Variants in SYN3 observed in about 807,000 individuals in gnomAD.
SYN3 encodes the protein synapsin III.
In SYN3, 35 loss-of-function variants were observed where a neutral mutation model predicts 65.8. The observed-to-expected ratio is 0.53, with a 90% CI of 0.41 to 0.70. The LOEUF (loss-of-function observed/expected upper bound fraction) is 0.70. Among genes scored for constraint, SYN3 ranks in the 30% least tolerant of loss-of-function variants. The pLI is 0.00. For synonymous variants in SYN3, 270 were observed against 292.9 expected, an observed-to-expected ratio of 0.92 and a Z score of 0.80; for missense variants, 680 against 749.0, an observed-to-expected ratio of 0.91 and a Z score of 1.08.
chr22:32,942,655 A>C (rs2050976564), intron 3 of SYN3, among the ~76,000 whole-genome samples: 1 of 152,228 alleles, frequency 6.6e-6, no homozygotes, highest in South Asian at 2.1e-4. Context: ...TCTGAGCTAA[A>C]GGAGGAAGTT....
intron 4 of SYN3, among the ~76,000 whole-genome samples, chr22:32,914,709 T>C (rs2050144921): frequency 1.3e-5 from 2 of 152,174 alleles, no homozygotes; most frequent in Non-Finnish European, 2.9e-5. Flanking sequence ...CCCAAAGTGC[T>C]GGAATTACAG....
intron 3 of SYN3, among the ~76,000 whole-genome samples, chr22:32,970,311 G>A (rs1601812754): frequency 1.3e-5 from 2 of 152,144 alleles, no homozygotes; most frequent in East Asian, 3.9e-4. Flanking sequence ...GATCTGGCTT[G>A]AGAGTCCAAG....
intron 2 of SYN3, among the ~76,000 whole-genome samples, chr22:32,994,089 C>T (rs996070228): frequency 6.6e-6 from 1 of 152,134 alleles, no homozygotes; most frequent in Non-Finnish European, 1.5e-5. Context: ...GATTGGACAG[C>T]GTGTAGACCT....
chr22:32,652,512 T>C (rs558257001), intron 6 of SYN3, among the ~76,000 whole-genome samples: 19 of 151,244 alleles, frequency 1.3e-4, no homozygotes, highest in African/African-American at 4.4e-4. Context: ...GGTAACAAAG[T>C]TGTGAATGCA....
intron 6 of SYN3, among the ~76,000 whole-genome samples, chr22:32,704,051 TTTTTC>T (rs1204377150): frequency 1.3e-5 from 2 of 152,194 alleles, no homozygotes; most frequent in East Asian, 1.9e-4. Flanking sequence ...ATTGTAACTT[TTTTTC>T]TTTTAAGATA....
chr22:32,949,845 C>T (rs371752299), intron 3 of SYN3, among the ~76,000 whole-genome samples: 4 of 152,034 alleles, frequency 2.6e-5, no homozygotes, highest in Non-Finnish European at 2.9e-5. Flanking sequence ...GAGACATGGA[C>T]GTGGATGACT....
chr22:32,640,736 G>C (rs1034067191), intron 6 of SYN3, among the ~76,000 whole-genome samples: 3 of 152,004 alleles, frequency 2.0e-5, no homozygotes, highest in African/African-American at 7.3e-5. Context: ...GCGTGGTGGC[G>C]GGCGCCTGTA....
chr22:32,555,320 G>A (rs572888893), intron 7 of SYN3, among the ~76,000 whole-genome samples: 6 of 152,334 alleles, frequency 3.9e-5, no homozygotes, highest in Middle Eastern at 6.8e-3. Flanking sequence ...AACACAAGGA[G>A]TGAGGCCAAG....
chr22:32,757,847 GA>G, intron 6 of SYN3, among the ~76,000 whole-genome samples: 1 of 149,366 alleles, frequency 6.7e-6, no homozygotes, highest in South Asian at 2.1e-4. Context: ...CCTCAGGAAT[GA>G]AGGTTTGGGT....
intron 6 of SYN3, among the ~76,000 whole-genome samples, chr22:32,657,502 C>T (rs890391471): frequency 7.2e-5 from 11 of 152,340 alleles, no homozygotes; most frequent in South Asian, 2.1e-4. Context: ...CAGAAGTTAG[C>T]TGAGACTCAG....
At chr22:32,674,873 C>T (rs986626671) in intron 6 of SYN3, among the ~76,000 whole-genome samples, 8 of 152,150 alleles carry the variant, frequency 5.3e-5, no homozygotes, top group African/African-American at 1.4e-4. Context: ...AACTTGCAGG[C>T]GCTTTATATC....
In SYN3 at chr22:32,900,920, A is replaced by T. The variant is rs114823399; in HGVS notation, c.461+30470T>A. On this transcript the variant is annotated intron_variant, in intron 4 of 13. Coordinates refer to ENST00000358763, the MANE Select transcript of SYN3 (RefSeq NM_003490.4). ...TGTCCATTAGACTATCAGCTACATG[A>T]CGGCAGCGGAAATATTTGGTTTACT... is the stretch of plus-strand genomic sequence containing the variant. Among the ~76,000 whole-genome samples the T allele has an allele frequency of 3.0e-3, 462 of 152,342 alleles. 4 individuals are homozygous for T. The highest frequency in any genetic ancestry group is 0.011 in the African/African-American group (446 of 41,578).
At chr22:32,960,223 C>T (rs887275441) in intron 3 of SYN3, among the ~76,000 whole-genome samples, 1 of 152,168 alleles carries the variant, frequency 6.6e-6, no homozygotes, top group African/African-American at 2.4e-5. Context: ...CCTCTGAATG[C>T]AAACCAACCA....
chr22:32,530,965 C>T (rs1040907498), intron 10 of SYN3, among the ~76,000 whole-genome samples: 6 of 151,588 alleles, frequency 4.0e-5, no homozygotes, highest in African/African-American at 1.5e-4. Flanking sequence ...CCAAGTTGCT[C>T]TATTTGTAAG....
intron 6 of SYN3, among the ~76,000 whole-genome samples, chr22:32,613,477 C>A (rs1233484131): frequency 2.0e-5 from 3 of 152,112 alleles, no homozygotes; most frequent in Admixed American, 1.3e-4. Flanking sequence ...AGAGGGGAAG[C>A]TTTGAGACCT....
At chr22:32,920,699 C>T (rs1015594354) in intron 4 of SYN3, among the ~76,000 whole-genome samples, 2 of 152,132 alleles carry the variant, frequency 1.3e-5, no homozygotes, top group African/African-American at 4.8e-5. Flanking sequence ...CCTCCTGACC[C>T]CATTCTATGC....
intron 6 of SYN3, among the ~76,000 whole-genome samples, chr22:32,778,632 A>G (rs1343472230): frequency 6.6e-6 from 1 of 152,148 alleles, no homozygotes; most frequent in Admixed American, 6.5e-5. Flanking sequence ...ATCACAACAC[A>G]ATGACGGATG....
intron 4 of SYN3, among the ~76,000 whole-genome samples, chr22:32,929,225 T>C (rs1005584889): frequency 6.6e-6 from 1 of 152,168 alleles, no homozygotes; most frequent in Non-Finnish European, 1.5e-5. Context: ...GAGGTTGCAG[T>C]GAGCCAAGAT....
intron 13 of SYN3, among the ~76,000 whole-genome samples, chr22:32,515,273 C>CTG (rs1362567790): frequency 2.0e-5 from 3 of 152,222 alleles, no homozygotes; most frequent in Non-Finnish European, 1.5e-5. Context: ...GATTAGTTGG[C>CTG]TGATCTCCTT....
Sources: allele counts gnomAD v4.1 joint callset (sites outside exome capture counted in the v4.1 genomes callset), GRCh38; gene constraint gnomAD v4.1.1; transcripts MANE v1.5; gene names NCBI Gene and HGNC (gene_info 2026-07-23, HGNC 2026-07-21).